Variants in INPP5D observed in about 807,000 individuals in gnomAD.
The protein encoded by INPP5D is phosphatidylinositol 3,4,5-trisphosphate 5-phosphatase 1.
INPP5D carries 33 observed loss-of-function variants against 122.9 expected under a neutral mutation model. That is an observed-to-expected ratio of 0.27 (90% CI 0.20 to 0.36). INPP5D has a LOEUF of 0.36. Among genes scored for constraint, INPP5D ranks in the 10% least tolerant of loss-of-function variants. The probability of loss-of-function intolerance (pLI) is 1.00; values close to 1 mark genes in which losing one functional copy is unlikely to be tolerated. For synonymous variants in INPP5D, 584 were observed against 576.2 expected, an observed-to-expected ratio of 1.01 and a Z score of -0.19; for missense variants, 1,053 against 1,412.7, an observed-to-expected ratio of 0.75 and a Z score of 4.08.
chr2:233,084,137 C>T (rs989799580), intron 2 of INPP5D, among the ~76,000 whole-genome samples: 5 of 152,208 alleles, frequency 3.3e-5, no homozygotes, highest in African/African-American at 1.2e-4. Context: ...TCACTGCAAC[C>T]TCTGCTCCCA....
At position 233,153,226 on chromosome 2, in the gene INPP5D, G is replaced by A. The variant is rs543108326; in HGVS notation, c.1031-5087G>A. Among the ~76,000 whole-genome samples the A allele has an allele frequency of 6.6e-4, 100 of 152,322 alleles. 4 individuals carry two copies. The highest frequency in any genetic ancestry group is 2.3e-3 in the African/African-American group (94 of 41,570). ...AACCGCACAGTCCTGCGAACAGATGGCAAGGAAATTCAGGGGAAGGAGACA... is the reference window on the plus strand; with the variant it reads ...AACCGCACAGTCCTGCGAACAGATGACAAGGAAATTCAGGGGAAGGAGACA... On this transcript the variant is annotated intron_variant, in intron 9 of 26. Transcript: ENST00000445964.
chr2:233,089,633 A>G (rs1192370524), intron 2 of INPP5D, among the ~76,000 whole-genome samples: 5 of 152,212 alleles, frequency 3.3e-5, no homozygotes, highest in African/African-American at 1.2e-4. Context: ...TTTTAAGCCA[A>G]GTCCAGTGAG....
intron 2 of INPP5D, among the ~76,000 whole-genome samples, chr2:233,096,645 C>T (rs951254741): frequency 2.0e-5 from 3 of 152,222 alleles, no homozygotes; most frequent in Admixed American, 2.0e-4. Context: ...GAGCGAGATC[C>T]CATCTCAAAA....
chr2:233,204,422 C>G lies in INPP5D; in HGVS notation c.3272C>G (p.Ser1091Cys). 6.2e-7 allele frequency: 1 copy of G among 1,608,710 alleles called. No individual in the cohort carries two copies. Among genetic ancestry groups the G allele is most frequent in the Non-Finnish European group, 8.5e-7 (1 of 1,178,218 alleles). Residue 1091 changes from serine to cysteine, a missense_variant, in exon 26 of 27, where the codon TCT becomes TGT. Ser to Cys is a moderately radical substitution (Grantham distance 112). Coordinates refer to ENST00000445964, the MANE Select transcript of INPP5D (RefSeq NM_001017915.3). ...PRLRSFTCSSSAEGRAAGGDK... is the reference protein window; with the variant it reads ...PRLRSFTCSSCAEGRAAGGDK... ...CTGCGCTCCTTCACGTGCTCATCCTCTGCCGAGGGCAGGGCGGCCGGCGGG... is the reference window on the plus strand; with the variant it reads ...CTGCGCTCCTTCACGTGCTCATCCTGTGCCGAGGGCAGGGCGGCCGGCGGG...
chr2:233,129,630 C>G (rs949049135), intron 4 of INPP5D, among the ~76,000 whole-genome samples: 1 of 152,184 alleles, frequency 6.6e-6, no homozygotes, highest in Admixed American at 6.5e-5. Flanking sequence ...CGGCCACTTG[C>G]ACTACCTCAT....
In INPP5D at chr2:233,078,112, C is replaced by T. The variant is rs1167810175; in HGVS notation, c.135-1223C>T. Among the ~76,000 whole-genome samples, 1 of 152,134 alleles carries T rather than the reference C, an allele frequency of 6.6e-6. No individual in the cohort carries two copies. Among genetic ancestry groups the T allele is most frequent in the Non-Finnish European group, 1.5e-5 (1 of 68,036 alleles). The stretch of plus-strand genomic sequence containing the variant: ...CAGACCAGCAGCTTTAAGTAAGAGC[C>T]TAAGATCCAAATAGCTTTCCCTCGA... On this transcript the variant is annotated intron_variant, in intron 1 of 26. Transcript: ENST00000445964. The surrounding 1 kb of genome is among the most constrained non-coding windows in gnomAD (Gnocchi z 4.6).
intron 2 of INPP5D, among the ~76,000 whole-genome samples, chr2:233,106,368 A>T (rs556498078): frequency 1.3e-5 from 2 of 152,292 alleles, no homozygotes; most frequent in South Asian, 4.1e-4. Flanking sequence ...TTTCCTGGCC[A>T]TCCTTTCTTA....
Position 233,207,465 on chromosome 2 carries a change from G to A in INPP5D, c.*757G>A, listed in dbSNP as rs1398983976. Reference sequence around the variant, plus strand: ...GGAAATCAGCTCCTATTCTCCAGTGGAGAGATCTGGCCTCAGCTTGGGCTA... The same window carrying A: ...GGAAATCAGCTCCTATTCTCCAGTGAAGAGATCTGGCCTCAGCTTGGGCTA... On this transcript the variant is annotated 3_prime_UTR_variant, in exon 27 of 27. Coordinates refer to ENST00000445964, the MANE Select transcript of INPP5D (RefSeq NM_001017915.3). This position sits in a 1 kb window ranked among gnomAD's most constrained non-coding sequence, Gnocchi z 4.6. The A allele has an allele frequency of 6.6e-6, 1 of 152,408 alleles. No individual in the cohort carries two copies. Among genetic ancestry groups the A allele is most frequent in the Admixed American group, 6.5e-5 (1 of 15,270 alleles). 9.4% of individuals were successfully genotyped at this position (152,408 alleles called of 1,614,324 possible).
intron 22 of INPP5D, among the ~76,000 whole-genome samples, chr2:233,193,429 C>A (rs1695102855): frequency 1.3e-5 from 2 of 152,164 alleles, no homozygotes; most frequent in Admixed American, 1.3e-4. Context: ...TGTTCCCAAT[C>A]CGTTTCCTTT....
chr2:233,114,445 C>T (rs1280396486), intron 2 of INPP5D, among the ~76,000 whole-genome samples: 1 of 152,218 alleles, frequency 6.6e-6, no homozygotes, highest in Non-Finnish European at 1.5e-5. Context: ...GAGGAGGTGG[C>T]CCCCATCCCT....
At position 233,188,480 on chromosome 2, in the gene INPP5D, C is replaced by G. The variant is rs1272534020; in HGVS notation, c.2359-1370C>G. Among the ~76,000 whole-genome samples the G allele has an allele frequency of 6.6e-6, 1 of 152,190 alleles. No individual in the cohort carries two copies. The highest frequency in any genetic ancestry group is 1.5e-5 in the Non-Finnish European group (1 of 68,032). On this transcript the variant is annotated intron_variant, in intron 21 of 26. Transcript: ENST00000445964. The surrounding 1 kb of genome is among the most constrained non-coding windows in gnomAD (Gnocchi z 4.7). Reference sequence around the variant, plus strand: ...GGTCTAGCTTAGAGCCTGACATCACCTCATGCCAGGAGCCAAGTGATAATT... The same window carrying G: ...GGTCTAGCTTAGAGCCTGACATCACGTCATGCCAGGAGCCAAGTGATAATT...
chr2:233,145,420 A>T, intron 6 of INPP5D: 1 of 441,024 alleles, frequency 2.3e-6, no homozygotes, highest in South Asian at 1.6e-5. Context: ...CGGAGCCTCC[A>T]TTCAGCAGGG....
chr2:233,109,101 T>C lies in INPP5D; in HGVS notation c.199-13006T>C, dbSNP rs530709574. On this transcript the variant is annotated intron_variant, in intron 2 of 26. Coordinates refer to ENST00000445964, the MANE Select transcript of INPP5D (RefSeq NM_001017915.3). The stretch of plus-strand genomic sequence containing the variant: ...CATTCCTCTGCCCAGCCAGAGTACC[T>C]CCCTCTCCTGGTCACAAAATGAGAC... Among the ~76,000 whole-genome samples, 21 of 152,318 alleles carry C rather than the reference T, an allele frequency of 1.4e-4. No individual in the cohort carries two copies. In the East Asian group the frequency reaches 4.0e-3, roughly 29 times the overall value.
chr2:233,149,810 T>A (rs1358603096), intron 9 of INPP5D, among the ~76,000 whole-genome samples: 1 of 147,636 alleles, frequency 6.8e-6, no homozygotes, highest in African/African-American at 2.7e-5. Context: ...AGCAGCATCT[T>A]GCAGGGCTCT....
At chr2:233,137,863 T>TATATAC (rs1559313323) in intron 5 of INPP5D, among the ~76,000 whole-genome samples, 10 of 25,564 alleles carry the variant, frequency 3.9e-4, no homozygotes, top group African/African-American at 1.5e-3. Context: ...AATATATATA[T>TATATAC]ATATATATAT....
Position 233,207,042 on chromosome 2 carries a change from GATAATA to G in INPP5D, c.*341_*346del, listed in dbSNP as rs1194754612. 7.8e-6 allele frequency: 2 copies of G among 256,970 alleles called. No homozygotes were observed. The highest frequency in any genetic ancestry group is 5.3e-5 in the South Asian group (1 of 18,948). The allele number at this position is 256,970 out of a possible 1,614,324, so 15.9% of individuals were successfully genotyped here. A position where few individuals can be genotyped will look rare whatever the true frequency, so the allele number is the denominator to read the frequency against. ...GCGCCGATTTGAGGGTGGAGATATA[GATAATA>G]ATAATATTAATAATAATAATGGCCA... On this transcript the variant is annotated 3_prime_UTR_variant, in exon 27 of 27. Coordinates refer to ENST00000445964, the MANE Select transcript of INPP5D (RefSeq NM_001017915.3). This position sits in a 1 kb window ranked among gnomAD's most constrained non-coding sequence, Gnocchi z 4.6.
At chr2:233,065,068 C>A (rs1181443592) in intron 1 of INPP5D, among the ~76,000 whole-genome samples, 1 of 152,166 alleles carries the variant, frequency 6.6e-6, no homozygotes. Context: ...CATGCAAGAC[C>A]AGGAAGGGGT....
intron 1 of INPP5D, among the ~76,000 whole-genome samples, chr2:233,066,939 A>T (rs1296491762): frequency 1.3e-5 from 2 of 152,070 alleles, no homozygotes; most frequent in Non-Finnish European, 2.9e-5. Context: ...CATCACACCC[A>T]GCTAATTTTT....
rs1240768894 is a variant in INPP5D, at chr2:233,128,652, AT to A, written c.525-1851del. Among the ~76,000 whole-genome samples the A allele has an allele frequency of 6.6e-6, 1 of 152,028 alleles. No individual in the cohort carries two copies. The highest frequency in any genetic ancestry group is 1.5e-5 in the Non-Finnish European group (1 of 68,000). On this transcript the variant is annotated intron_variant, in intron 4 of 26. Transcript: ENST00000445964. This position sits in a 1 kb window ranked among gnomAD's most constrained non-coding sequence, Gnocchi z 4.5. Reference sequence around the variant, plus strand: ...GCCACCACGCCCAGCTAATTTTTGTATTTTTAGTAGAGACAGGGTTTCACCA... The same window carrying A: ...GCCACCACGCCCAGCTAATTTTTGTATTTTAGTAGAGACAGGGTTTCACCA...
Sources: gnomAD v4.1 joint callset for allele counts (sites outside exome capture counted in the v4.1 genomes callset) on GRCh38, gnomAD v4.1.1 for gene constraint, Gnocchi (gnomAD v3.1) non-coding constraint, MANE v1.5 for transcripts, NCBI Gene and HGNC (gene_info 2026-07-23, HGNC 2026-07-21) for gene names.